The following AZI2 variants were observed in gnomAD, a reference collection of about 807,000 sequenced individuals.
The protein encoded by AZI2 is 5-azacytidine induced 2.
Under a neutral mutation model 45.8 loss-of-function variants are expected in AZI2, and 22 were observed. The ratio of observed to expected loss-of-function variants is 0.48; its 90% CI spans 0.34 to 0.69. The LOEUF (loss-of-function observed/expected upper bound fraction) is 0.69. Among genes scored for constraint, AZI2 ranks in the 30% least tolerant of loss-of-function variants. The pLI, the probability that AZI2 is intolerant of heterozygous loss-of-function variation, is 0.01. For missense variants in AZI2, 417 were observed against 441.5 expected, an observed-to-expected ratio of 0.94 and a Z score of 0.50; for synonymous variants, 137 against 156.7, an observed-to-expected ratio of 0.87 and a Z score of 0.94.
At chr3:28,340,346 T>G (rs1577137759) in intron 2 of AZI2, 56 bp downstream of exon 2, 1 of 1,164,798 alleles carries the variant, frequency 8.6e-7, no homozygotes, top group Non-Finnish European at 1.2e-6. Context: ...AAATTTCAAG[T>G]ATTTTGAATT....
At chr3:28,325,930 C>A (rs1421531583) in intron 7 of AZI2, among the ~76,000 whole-genome samples, 1 of 150,972 alleles carries the variant, frequency 6.6e-6, no homozygotes, top group Non-Finnish European at 1.5e-5. Flanking sequence ...AATTTTCCTT[C>A]CCAAAATTTA....
intron 6 of AZI2, 186 bp from the exon 7 acceptor site, chr3:28,327,136 ACTG>A (rs1210735912): frequency 3.0e-5 from 16 of 534,800 alleles, no homozygotes; most frequent in Admixed American, 2.6e-4. Flanking sequence ...AAAGAATAAC[ACTG>A]TCCATCTGAT....
chr3:28,347,440 T>C (rs1310173348), intron 1 of AZI2, among the ~76,000 whole-genome samples: 1 of 152,152 alleles, frequency 6.6e-6, no homozygotes, highest in African/African-American at 2.4e-5. Flanking sequence ...ATGAAAACAT[T>C]AGAAAGTAGG....
chr3:28,334,091 C>A (rs772324240), intron 5 of AZI2, among the ~76,000 whole-genome samples: 1 of 151,486 alleles, frequency 6.6e-6, no homozygotes, highest in Non-Finnish European at 1.5e-5. Flanking sequence ...GCCCCTGAAA[C>A]CTCACTAACA....
intron 7 of AZI2, 165 bp from the exon 8 acceptor site, chr3:28,324,619 T>C: frequency 1.9e-6 from 1 of 536,662 alleles, no homozygotes; most frequent in South Asian, 7.3e-5. Flanking sequence ...ACAGATGATC[T>C]GAGTTTTAAT....
At chr3:28,341,906 G>A (rs1375500913) in intron 1 of AZI2, among the ~76,000 whole-genome samples, 1 of 152,016 alleles carries the variant, frequency 6.6e-6, no homozygotes, top group Non-Finnish European at 1.5e-5. Context: ...TGAGGTAGGA[G>A]GAATTTAAGT....
In AZI2 at chr3:28,344,148, C is replaced by T. The variant is rs537366703; in HGVS notation, c.-5-3526G>A. 2.0e-5 allele frequency among the ~76,000 whole-genome samples: 3 copies of T among 152,118 alleles called. No individual in the cohort carries two copies. In the South Asian group the frequency reaches 6.2e-4, roughly 31 times the overall value. ...TAAGAAATAGCCATATATTAAAACA[C>T]ACAATGTGCTAGCACCACATATATG... On this transcript the variant is annotated intron_variant, in intron 1 of 7. Transcript: ENST00000479665.
intron 7 of AZI2, chr3:28,324,982 AT>A (rs1703330632): frequency 6.6e-6 from 1 of 150,966 alleles, no homozygotes; most frequent in Non-Finnish European, 1.5e-5. Flanking sequence ...AAATAATTGC[AT>A]TTTTAATTGG....
At chr3:28,331,807 A>C (rs1220564772) in intron 6 of AZI2, 1 of 1,533,138 alleles carries the variant, frequency 6.5e-7, no homozygotes, top group Non-Finnish European at 8.8e-7. Context: ...TTAAGTAAAA[A>C]TGATACGTAT....
chr3:28,333,931 G>A (rs186099098), intron 5 of AZI2, among the ~76,000 whole-genome samples: 3 of 151,220 alleles, frequency 2.0e-5, no homozygotes, highest in East Asian at 1.9e-4. Flanking sequence ...GACTTTAGAC[G>A]TCTTCTAAAC....
Position 28,326,868 on chromosome 3 carries a change from G to A in AZI2, c.730C>T (p.Leu244=). ...GCAGTTGAGGTTTTCAGTTTTCTTA[G>A]TAGTTCAGCTTGTACTTGAGTCACC... The part of the protein sequence containing the change: ...HLVTQVQAEL[L]RKLKTSTAIK... Residue 244 remains leucine (L), a synonymous_variant, in exon 7 of 8, where the codon CTA becomes TTA. Transcript: ENST00000479665. 6.2e-7 allele frequency: 1 copy of A among 1,608,480 alleles called. No homozygotes were observed. The highest frequency in any genetic ancestry group is 8.5e-7 in the Non-Finnish European group (1 of 1,176,048).
intron 6 of AZI2, among the ~76,000 whole-genome samples, chr3:28,327,923 G>A (rs914379546): frequency 2.0e-5 from 3 of 150,184 alleles, no homozygotes; most frequent in African/African-American, 7.3e-5. Flanking sequence ...CTAGACAAAC[G>A]TGTCACCTTA....
At chr3:28,324,663 T>C (rs1183154943) in intron 7 of AZI2, 5 of 411,440 alleles carry the variant, frequency 1.2e-5, no homozygotes, top group South Asian at 1.0e-4. Context: ...CTTTAGATAT[T>C]TGTCTCTTAG....
intron 4 of AZI2, 38 bp from the exon 5 acceptor site, chr3:28,336,923 C>A: frequency 6.3e-7 from 1 of 1,595,726 alleles, no homozygotes; most frequent in Non-Finnish European, 8.6e-7. Flanking sequence ...TTATCTTTTC[C>A]TTCTACATTG....
intron 7 of AZI2, chr3:28,326,487 GTC>G (rs1288281652): frequency 6.1e-6 from 1 of 164,796 alleles, no homozygotes; most frequent in Non-Finnish European, 1.2e-5. Context: ...TGCTTTTGGT[GTC>G]TTTTTTTTTT....
Position 28,338,620 on chromosome 3 carries a change from C to T in AZI2, c.217-5G>A, listed in dbSNP as rs535810026. ...TTCTTCAAATCGAGCTATTAGCTAACGGTATGAAATTAGAAGAGAAAGCTT... is the reference window on the plus strand; with the variant it reads ...TTCTTCAAATCGAGCTATTAGCTAATGGTATGAAATTAGAAGAGAAAGCTT... On this transcript the variant is annotated splice_polypyrimidine_tract_variant and splice_region_variant and intron_variant, in intron 2 of 7. Coordinates refer to ENST00000479665, the MANE Select transcript of AZI2 (RefSeq NM_022461.5). 38 of 1,605,700 alleles carry T rather than the reference C, an allele frequency of 2.4e-5. No homozygotes were observed. Among genetic ancestry groups the T allele is most frequent in the South Asian group, 1.2e-4 (11 of 89,618 alleles).
chr3:28,336,554 G>A (rs1306986758), intron 5 of AZI2, among the ~76,000 whole-genome samples, 183 bp downstream of exon 5: 4 of 151,846 alleles, frequency 2.6e-5, no homozygotes, highest in African/African-American at 7.3e-5. Flanking sequence ...AAAGTATATG[G>A]CATGTCAAAT....
chr3:28,333,055 T>A (rs552117763), intron 5 of AZI2, among the ~76,000 whole-genome samples: 1 of 151,938 alleles, frequency 6.6e-6, no homozygotes, highest in East Asian at 1.9e-4. Context: ...TCTAACACAC[T>A]TGTTTGCAAT....
At chr3:28,342,422 C>T (rs1242207296) in intron 1 of AZI2, among the ~76,000 whole-genome samples, 2 of 151,950 alleles carry the variant, frequency 1.3e-5, no homozygotes, top group Non-Finnish European at 2.9e-5. Context: ...ATGCTATCTA[C>T]AGTATACCAA....
Sources: allele counts gnomAD v4.1 joint callset (sites outside exome capture counted in the v4.1 genomes callset), GRCh38; gene constraint gnomAD v4.1.1; transcripts MANE v1.5; gene names NCBI Gene and HGNC (gene_info 2026-07-23, HGNC 2026-07-21).